SHTN1: variants seen among roughly 807,000 people sequenced by gnomAD.
SHTN1 encodes shootin 1, also known as shootin-1.
In SHTN1, 42 loss-of-function variants were observed where a neutral mutation model predicts 83.1. That is an observed-to-expected ratio of 0.51 (90% CI 0.39 to 0.65). SHTN1 has a LOEUF of 0.65. SHTN1 is among the 30% of genes least tolerant of loss of function. SHTN1 has a pLI of 0.00. For synonymous variants in SHTN1, 224 were observed against 247.7 expected (o/e 0.90, Z 0.90); for missense variants, 622 against 737.8 (o/e 0.84, Z 1.82).
rs147897295 is a variant in SHTN1, at chr10:116,952,020, GA to G, written c.437-15del. On this transcript the variant is annotated splice_polypyrimidine_tract_variant and intron_variant, in intron 5 of 16. Transcript: ENST00000355371. Reference sequence around the variant, plus strand: ...GATCTCGAAGTTCTGCATTTTTAAAGAAAAAAAATATATAAATAAACTTATT... The same window carrying G: ...GATCTCGAAGTTCTGCATTTTTAAAGAAAAAAATATATAAATAAACTTATT... 7.2e-5 allele frequency: 95 copies of G among 1,314,902 alleles called. No homozygotes were observed. Among genetic ancestry groups the G allele is most frequent in the African/African-American group, 3.7e-4 (25 of 66,870 alleles). 81.5% of individuals were successfully genotyped at this position (1,314,902 alleles called of 1,614,324 possible). A position where few individuals can be genotyped will look rare whatever the true frequency, so the allele number is the denominator to read the frequency against.
intron 16 of SHTN1, chr10:116,900,413 T>C (rs1847689960): frequency 1.2e-6 from 1 of 821,212 alleles, no homozygotes; most frequent in Non-Finnish European, 2.0e-6. Context: ...ATTCAACACA[T>C]ATTTTGCAGA....
chr10:116,973,754 T>C (rs1850698256), intron 2 of SHTN1: 6 of 668,602 alleles, frequency 9.0e-6, no homozygotes, highest in Non-Finnish European at 1.1e-5. Context: ...TGAAGAAGTT[T>C]AATGCTACAC....
intron 16 of SHTN1, chr10:116,901,058 A>G: frequency 1.0e-6 from 1 of 985,444 alleles, no homozygotes; most frequent in Non-Finnish European, 1.2e-6. Context: ...TGATTACAAT[A>G]TTCGGCTGAT....
At chr10:116,983,706 A>G (rs1455693641) in intron 1 of SHTN1, among the ~76,000 whole-genome samples, 1 of 151,698 alleles carries the variant, frequency 6.6e-6, no homozygotes, top group Non-Finnish European at 1.5e-5. Flanking sequence ...ATACATACAT[A>G]CATACATACA....
At chr10:117,094,126 C>G (rs563115065) in intron 1 of SHTN1, among the ~76,000 whole-genome samples, 1 of 152,284 alleles carries the variant, frequency 6.6e-6, no homozygotes, top group South Asian at 2.1e-4. Context: ...TGCTCTGCCA[C>G]TATCTGAGGC....
chr10:116,953,101 T>C (rs748883218), intron 5 of SHTN1, among the ~76,000 whole-genome samples: 3 of 152,216 alleles, frequency 2.0e-5, no homozygotes, highest in African/African-American at 4.8e-5. Flanking sequence ...ATACTTCCAG[T>C]TGAAATTTTA....
intron 2 of SHTN1, among the ~76,000 whole-genome samples, chr10:117,046,297 C>T (rs1852663299): frequency 6.6e-6 from 1 of 152,072 alleles, no homozygotes; most frequent in South Asian, 2.1e-4. Flanking sequence ...CACCATGAGT[C>T]ATTAGGTAAA....
chr10:117,040,620 C>A (rs969880051), intron 2 of SHTN1, among the ~76,000 whole-genome samples: 2 of 152,134 alleles, frequency 1.3e-5, no homozygotes, highest in Non-Finnish European at 2.9e-5. Flanking sequence ...TCTCATGAAT[C>A]TAAAACGGTT....
chr10:116,966,360 G>T (rs1416651502), intron 3 of SHTN1, among the ~76,000 whole-genome samples: 2 of 152,090 alleles, frequency 1.3e-5, no homozygotes, highest in East Asian at 3.9e-4. Context: ...GCACTCTGTT[G>T]TTCTGTGAGT....
chr10:117,101,986 G>A (rs1389913824), intron 1 of SHTN1, among the ~76,000 whole-genome samples: 2 of 150,856 alleles, frequency 1.3e-5, no homozygotes, highest in African/African-American at 2.4e-5. Context: ...GCCATCAGTT[G>A]GGAACAGACT....
Position 117,059,632 on chromosome 10 carries a change from C to T in SHTN1, c.-188-11122G>A, listed in dbSNP as rs73398172. Reference sequence around the variant, plus strand: ...AAAGCCAATCCCAAAAGGCTGCATACTGTATGATTCCATTTGTATAAGATT... The same window carrying T: ...AAAGCCAATCCCAAAAGGCTGCATATTGTATGATTCCATTTGTATAAGATT... On this transcript the variant is annotated intron_variant, in intron 1 of 17. Coordinates refer to the SHTN1 transcript ENST00000392901. Among the ~76,000 whole-genome samples, 1,067 of 152,272 alleles carry T rather than the reference C, an allele frequency of 7.0e-3. 17 individuals are homozygous for T. Among genetic ancestry groups the T allele is most frequent in the African/African-American group, 0.025 (1,025 of 41,554 alleles).
At chr10:117,098,850 A>T (rs1181071269) in intron 1 of SHTN1, among the ~76,000 whole-genome samples, 1 of 152,178 alleles carries the variant, frequency 6.6e-6, no homozygotes, top group Non-Finnish European at 1.5e-5. Context: ...AAATTCTTAG[A>T]AACAGACCAG....
intron 9 of SHTN1, among the ~76,000 whole-genome samples, chr10:116,930,305 G>A (rs990392792): frequency 1.3e-5 from 2 of 152,070 alleles, no homozygotes; most frequent in African/African-American, 4.8e-5. Context: ...TGTGTCACAG[G>A]GGCTTGGTGT....
intron 1 of SHTN1, among the ~76,000 whole-genome samples, chr10:117,107,307 G>A (rs1853684737): frequency 6.6e-6 from 1 of 152,126 alleles, no homozygotes; most frequent in East Asian, 1.9e-4. Flanking sequence ...ACTCTAAAGA[G>A]CAGGATATCA....
chr10:116,958,406 A>T (rs1488953225), intron 4 of SHTN1, among the ~76,000 whole-genome samples: 2 of 152,218 alleles, frequency 1.3e-5, no homozygotes, highest in Non-Finnish European at 1.5e-5. Flanking sequence ...TGTTCATTTT[A>T]AAAAAGGGTT....
chr10:117,100,106 G>A (rs1237596115), intron 1 of SHTN1, among the ~76,000 whole-genome samples: 2 of 152,158 alleles, frequency 1.3e-5, no homozygotes. Context: ...GAACCTTGGA[G>A]GTGGAGGTTG....
chr10:116,956,055 T>C (rs376072970), intron 4 of SHTN1, among the ~76,000 whole-genome samples: 29 of 152,346 alleles, frequency 1.9e-4, no homozygotes, highest in Middle Eastern at 3.4e-3. Flanking sequence ...CTTTTAGGAA[T>C]GTCAGAAGAA....
chr10:116,904,865 G>C (rs1847898712), intron 15 of SHTN1, among the ~76,000 whole-genome samples: 1 of 152,204 alleles, frequency 6.6e-6, no homozygotes, highest in Non-Finnish European at 1.5e-5. Flanking sequence ...CACAAAATGT[G>C]AACGACAGAG....
Position 116,964,256 on chromosome 10 carries a change from C to T in SHTN1, c.173-4026G>A, listed in dbSNP as rs184070402. ...TTGTGCTAAACTCTTTACATGTGTTCCCTCCTTCACAAAGCCTCACAACAA... is the reference window on the plus strand; with the variant it reads ...TTGTGCTAAACTCTTTACATGTGTTTCCTCCTTCACAAAGCCTCACAACAA... On this transcript the variant is annotated intron_variant, in intron 3 of 16. Transcript: ENST00000355371. Among the ~76,000 whole-genome samples the T allele has an allele frequency of 1.6e-4, 24 of 152,216 alleles. No individual in the cohort carries two copies. In the East Asian group the frequency reaches 4.6e-3, roughly 29 times the overall value.
Sources: allele counts gnomAD v4.1 joint callset (sites outside exome capture counted in the v4.1 genomes callset), GRCh38; gene constraint gnomAD v4.1.1; transcripts MANE v1.5; gene names NCBI Gene and HGNC (gene_info 2026-07-23, HGNC 2026-07-21).